Variants in GAB1 observed in about 807,000 individuals in gnomAD.
GAB1 encodes GRB2-associated-binding protein 1.
A neutral mutation model predicts 66.5 loss-of-function variants in GAB1; 19 were observed. The observed-to-expected ratio is 0.29, with a 90% CI of 0.20 to 0.42. The LOEUF is 0.42. Ranked by LOEUF, GAB1 falls within the 10% of genes least tolerant of loss-of-function variation. The probability of loss-of-function intolerance (pLI) is 1.00; values close to 1 mark genes in which losing one functional copy is unlikely to be tolerated. For missense variants in GAB1, 732 were observed against 858.5 expected (o/e 0.85, Z 1.84); for synonymous variants, 294 against 301.4 (o/e 0.98, Z 0.25).
chr4:143,420,820 T>C (rs1258309938), intron 2 of GAB1, among the ~76,000 whole-genome samples: 1 of 152,070 alleles, frequency 6.6e-6, no homozygotes, highest in South Asian at 2.1e-4. Flanking sequence ...CAAGTAGATA[T>C]AAACTAACAT....
chr4:143,350,246 A>G (rs2149647592), intron 1 of GAB1: 2 of 595,860 alleles, frequency 3.4e-6, no homozygotes, highest in South Asian at 2.0e-5. Context: ...GCCCTGTTAA[A>G]TGAACAGAAA....
intron 1 of GAB1, among the ~76,000 whole-genome samples, chr4:143,359,133 C>G (rs574313547): frequency 6.6e-6 from 1 of 152,072 alleles, no homozygotes; most frequent in Non-Finnish European, 1.5e-5. Flanking sequence ...GGAGTGATGT[C>G]GTAAAGAACC....
intron 1 of GAB1, among the ~76,000 whole-genome samples, chr4:143,383,025 T>C (rs1730723310): frequency 1.3e-5 from 2 of 152,212 alleles, no homozygotes; most frequent in Non-Finnish European, 2.9e-5. Flanking sequence ...TTTTCTGCTG[T>C]TTTCTCAGTT....
intron 1 of GAB1, among the ~76,000 whole-genome samples, chr4:143,347,746 A>T (rs761275026): frequency 3.3e-5 from 5 of 152,232 alleles, no homozygotes; most frequent in Admixed American, 6.5e-5. Context: ...TCCAGCAGAG[A>T]GGTTAATTCA....
intron 2 of GAB1, among the ~76,000 whole-genome samples, chr4:143,421,693 C>CTTTTTTTTTTTTTTTTTTTTT (rs1560757801): frequency 9.7e-6 from 1 of 103,102 alleles, no homozygotes; most frequent in Non-Finnish European, 1.9e-5. Flanking sequence ...CTTTTCTTTT[C>CTTTTTTTTTTTTTTTTTTTTT]TTTTCTTTTT....
At chr4:143,348,175 C>A (rs1729049813) in intron 1 of GAB1, among the ~76,000 whole-genome samples, 1 of 152,244 alleles carries the variant, frequency 6.6e-6, no homozygotes, top group Admixed American at 6.5e-5. Flanking sequence ...TTATTATAAT[C>A]TTGGATGTTT....
chr4:143,357,087 C>A (rs1255243636), intron 1 of GAB1, among the ~76,000 whole-genome samples: 1 of 152,026 alleles, frequency 6.6e-6, no homozygotes, highest in East Asian at 1.9e-4. Context: ...TTTGTCTTTG[C>A]AGAATTTAGT....
chr4:143,466,147 G>C lies in GAB1; in HGVS notation c.1848G>C (p.Met616Ile), dbSNP rs773342712. The C allele has an allele frequency of 7.4e-6, 12 of 1,613,676 alleles. No individual in the cohort carries two copies. The Admixed American group carries it at 1.8e-4, about 25-fold the overall frequency. The change falls in exon 9 of 10, where the codon ATG becomes ATC. Residue 616 changes from methionine (M) to isoleucine (I), a missense_variant. Physicochemically the swap from Met to Ile is conservative, Grantham distance 10 (BLOSUM62 1). Transcript: ENST00000262994. ...SNSLDGGSSP[M>I]IKPKGDKQVE... ...GTCTTGATGGAGGAAGCAGCCCTAT[G>C]ATCAAGCCCAAAGGAGACAAACAGG...
Position 143,465,741 on chromosome 4 carries a change from G to A in GAB1, c.1804-362G>A, listed in dbSNP as rs181020572. ...TAGTGTGAAAGCCTTTAGATAAAAC[G>A]TAGAAAGTTTTTTTAAAATTTAACT... On this transcript the variant is annotated intron_variant, in intron 8 of 9. Transcript: ENST00000262994. Among the ~76,000 whole-genome samples, 29 of 152,228 alleles carry A rather than the reference G, an allele frequency of 1.9e-4. 1 individual carries two copies. Among genetic ancestry groups the A allele is most frequent in the Non-Finnish European group, 3.5e-4 (24 of 67,998 alleles).
chr4:143,461,247 G>C (rs1735477420), intron 8 of GAB1, among the ~76,000 whole-genome samples: 1 of 152,138 alleles, frequency 6.6e-6, no homozygotes. Flanking sequence ...ATATCCATTA[G>C]GATTAAGTTC....
chr4:143,456,653 A>AT (rs1735208974), intron 6 of GAB1, among the ~76,000 whole-genome samples: 1 of 152,134 alleles, frequency 6.6e-6, no homozygotes, highest in Non-Finnish European at 1.5e-5. Flanking sequence ...AGGAAATTTT[A>AT]TTTTTTATAA....
intron 2 of GAB1, among the ~76,000 whole-genome samples, chr4:143,416,434 A>G (rs1261778969): frequency 6.6e-6 from 1 of 151,368 alleles, no homozygotes; most frequent in Non-Finnish European, 1.5e-5. Flanking sequence ...TATGTAGCTC[A>G]ACCCAATTCT....
chr4:143,440,793 C>G (rs937527603), intron 6 of GAB1, among the ~76,000 whole-genome samples: 1 of 152,182 alleles, frequency 6.6e-6, no homozygotes, highest in African/African-American at 2.4e-5. Context: ...CCAGAGATTT[C>G]AGATTTTATA....
chr4:143,388,856 T>C (rs1165690072), intron 1 of GAB1, among the ~76,000 whole-genome samples: 2 of 152,224 alleles, frequency 1.3e-5, no homozygotes, highest in Non-Finnish European at 2.9e-5. Flanking sequence ...AATACATTCA[T>C]ATTTAGAAGT....
At chr4:143,390,372 CAATT>C (rs1242789796) in intron 1 of GAB1, among the ~76,000 whole-genome samples, 2 of 150,906 alleles carry the variant, frequency 1.3e-5, no homozygotes, top group African/African-American at 4.9e-5. Context: ...AGAAAAATCT[CAATT>C]AGAGTGAGAT....
chr4:143,456,143 A>G (rs1201919380), intron 6 of GAB1, among the ~76,000 whole-genome samples: 2 of 152,140 alleles, frequency 1.3e-5, no homozygotes, highest in Admixed American at 1.3e-4. Context: ...AGGGTAGCAC[A>G]CTATTTGGGG....
Position 143,438,130 on chromosome 4 carries a change from A to G in GAB1, c.725A>G (p.Tyr242Cys), listed in dbSNP as rs1490912608. The G allele has an allele frequency of 5.6e-6, 9 of 1,614,056 alleles. No homozygotes were observed. Among genetic ancestry groups the G allele is most frequent in the Non-Finnish European group, 7.6e-6 (9 of 1,179,986 alleles). ...GGCTTTTTTCAGCAGCAAATGATAT[A>G]CGACTCTCCACCTTCACGTGCCCCA... ...MNGFFQQQMI[Y>C]DSPPSRAPSA... Residue 242 changes from tyrosine (Y) to cysteine (C), a missense_variant, in exon 4 of 10, where the codon TAC becomes TGC. Coordinates refer to ENST00000262994, the MANE Select transcript of GAB1 (RefSeq NM_002039.4).
At chr4:143,439,953 A>G (rs995848545) in intron 5 of GAB1, 66 bp downstream of exon 5, 79 of 1,414,102 alleles carry the variant, frequency 5.6e-5, no homozygotes, top group Non-Finnish European at 7.7e-5. Context: ...AATTAGTGCC[A>G]TGAGACTAAG....
chr4:143,446,756 C>G (rs1385846543), intron 6 of GAB1, among the ~76,000 whole-genome samples: 1 of 152,002 alleles, frequency 6.6e-6, no homozygotes, highest in African/African-American at 2.4e-5. Context: ...CCTGTTCACT[C>G]TGATGGTAGT....
Sources: allele counts gnomAD v4.1 joint callset (sites outside exome capture counted in the v4.1 genomes callset), GRCh38; gene constraint gnomAD v4.1.1; transcripts MANE v1.5; gene names NCBI Gene and HGNC (gene_info 2026-07-23, HGNC 2026-07-21).